MIPOL1: variants seen among roughly 807,000 people sequenced by gnomAD.
The protein encoded by MIPOL1 is mirror-image polydactyly 1.
In MIPOL1, 57 loss-of-function variants were observed where a neutral mutation model predicts 60.9. The ratio of observed to expected loss-of-function variants is 0.94; its 90% CI spans 0.76 to 1.17. The LOEUF is 1.17. Ranked by LOEUF, MIPOL1 falls within the 50% of genes most tolerant of loss-of-function variation. MIPOL1 has a pLI of 0.00. For missense variants in MIPOL1, 551 were observed against 511.6 expected (o/e 1.08, Z -0.74); for synonymous variants, 179 against 168.8 (o/e 1.06, Z -0.47).
chr14:37,348,956 A>T (rs1176463298), intron 9 of MIPOL1, among the ~76,000 whole-genome samples: 1 of 143,046 alleles, frequency 7.0e-6, no homozygotes, highest in African/African-American at 2.6e-5. Context: ...AGCCTCGTAC[A>T]GGCGGTGCCA....
chr14:37,482,141 G>A (rs1422021917), intron 11 of MIPOL1, among the ~76,000 whole-genome samples: 1 of 152,126 alleles, frequency 6.6e-6, no homozygotes, highest in African/African-American at 2.4e-5. Flanking sequence ...TGATGAGACA[G>A]CCTATGGATT....
intron 11 of MIPOL1, among the ~76,000 whole-genome samples, chr14:37,448,159 A>C (rs2094365004): frequency 6.6e-6 from 1 of 152,238 alleles, no homozygotes; most frequent in Non-Finnish European, 1.5e-5. Flanking sequence ...TACTTCAGTC[A>C]CTGCACTAGT....
chr14:37,510,765 C>T (rs1388982531), intron 12 of MIPOL1, among the ~76,000 whole-genome samples: 1 of 152,090 alleles, frequency 6.6e-6, no homozygotes, highest in African/African-American at 2.4e-5. Context: ...GTTAGAGATA[C>T]ACAGGAAAAT....
At chr14:37,326,378 T>C (rs2089161354) in intron 9 of MIPOL1, among the ~76,000 whole-genome samples, 1 of 152,128 alleles carries the variant, frequency 6.6e-6, no homozygotes, top group African/African-American at 2.4e-5. Context: ...GATACCATGG[T>C]GGTAGATAAA....
At chr14:37,328,573 A>G (rs1595162551) in intron 9 of MIPOL1, among the ~76,000 whole-genome samples, 1 of 152,232 alleles carries the variant, frequency 6.6e-6, no homozygotes, top group Non-Finnish European at 1.5e-5. Context: ...ATTGGCTTTA[A>G]CAGCCATAAA....
chr14:37,237,269 CACA>C (rs1426794467), intron 1 of MIPOL1, among the ~76,000 whole-genome samples: 9 of 151,976 alleles, frequency 5.9e-5, no homozygotes, highest in Non-Finnish European at 5.9e-5. Context: ...CACAGACATG[CACA>C]ACAATTTGTC....
intron 12 of MIPOL1, among the ~76,000 whole-genome samples, chr14:37,538,636 C>G (rs997444981): frequency 6.6e-6 from 1 of 152,148 alleles, no homozygotes; most frequent in African/African-American, 2.4e-5. Context: ...GTGCTCCACC[C>G]TTTGAATCTG....
At chr14:37,372,302 T>C (rs1375174966) in intron 10 of MIPOL1, among the ~76,000 whole-genome samples, 1 of 152,162 alleles carries the variant, frequency 6.6e-6, no homozygotes, top group Non-Finnish European at 1.5e-5. Flanking sequence ...CGTAAGGAAA[T>C]ACTTTTTAAT....
At chr14:37,356,703 G>C (rs540992594) in intron 9 of MIPOL1, among the ~76,000 whole-genome samples, 3 of 152,312 alleles carry the variant, frequency 2.0e-5, no homozygotes. Flanking sequence ...TCTTTGACTC[G>C]GAAAGGGAAC....
intron 1 of MIPOL1, among the ~76,000 whole-genome samples, chr14:37,198,857 A>G (rs551489538): frequency 2.0e-5 from 3 of 152,320 alleles, no homozygotes; most frequent in Admixed American, 2.0e-4. Flanking sequence ...AGATAACTTG[A>G]ATATACTATC....
At chr14:37,216,664 A>G (rs934390085) in intron 1 of MIPOL1, among the ~76,000 whole-genome samples, 8 of 152,216 alleles carry the variant, frequency 5.3e-5, no homozygotes, top group African/African-American at 1.9e-4. Flanking sequence ...TGGAAATTAA[A>G]CAGTATACTC....
At chr14:37,295,949 C>A (rs2085625931) in intron 7 of MIPOL1, among the ~76,000 whole-genome samples, 2 of 152,108 alleles carry the variant, frequency 1.3e-5, no homozygotes, top group Non-Finnish European at 2.9e-5. Context: ...CTGCACCAAG[C>A]AGACCTAATA....
chr14:37,235,903 G>A lies in MIPOL1; in HGVS notation c.-198-11200G>A, dbSNP rs113801618. On this transcript the variant is annotated intron_variant, in intron 1 of 12. Coordinates refer to ENST00000684589, the MANE Select transcript of MIPOL1 (RefSeq NM_001388067.1). ...TACACAAGGGTTCCAGTTTCTCCATGACCTTACCAATGCTTAGTATTTTCA... is the reference window on the plus strand; with the variant it reads ...TACACAAGGGTTCCAGTTTCTCCATAACCTTACCAATGCTTAGTATTTTCA... Among the ~76,000 whole-genome samples the A allele has an allele frequency of 5.6e-3, 854 of 151,790 alleles. 6 individuals are homozygous for A. Among genetic ancestry groups the A allele is most frequent in the African/African-American group, 0.02 (808 of 41,400 alleles).
At chr14:37,233,658 A>G (rs2092790) in intron 1 of MIPOL1, among the ~76,000 whole-genome samples, 151,981 of 152,322 alleles carry the variant, frequency 1, 75,823 homozygotes, top group Middle Eastern at 1. Context: ...TAAGGTGAAT[A>G]CTTAATGATT....
chr14:37,551,366 G>A (rs2095561304), downstream of MIPOL1: 1 of 151,622 alleles, frequency 6.6e-6, no homozygotes, highest in African/African-American at 2.4e-5. Context: ...TTGCAGTAAG[G>A]AAACAGATTA....
At chr14:37,468,913 T>C (rs1297195353) in intron 11 of MIPOL1, among the ~76,000 whole-genome samples, 1 of 152,090 alleles carries the variant, frequency 6.6e-6, no homozygotes, top group Non-Finnish European at 1.5e-5. Flanking sequence ...GACTGGAGTG[T>C]AGAGGTAAAT....
chr14:37,317,991 G>A (rs988998006), intron 9 of MIPOL1, among the ~76,000 whole-genome samples: 1 of 152,272 alleles, frequency 6.6e-6, no homozygotes, highest in Non-Finnish European at 1.5e-5. Flanking sequence ...ATAATATAAT[G>A]ACACATATTT....
chr14:37,363,709 C>T (rs1368923280), intron 9 of MIPOL1, among the ~76,000 whole-genome samples: 2 of 152,310 alleles, frequency 1.3e-5, no homozygotes, highest in South Asian at 4.1e-4. Flanking sequence ...TTGTCCGCTG[C>T]CATTTGTTCA....
At position 37,390,392 on chromosome 14, in the gene MIPOL1, T is replaced by A. The variant is rs1052392639; in HGVS notation, c.936+20768T>A. 5.3e-5 allele frequency among the ~76,000 whole-genome samples: 8 copies of A among 152,166 alleles called. 1 individual carries two copies. The highest frequency in any genetic ancestry group is 5.2e-4 in the Admixed American group (8 of 15,278). ...TATATATTATATACAATTGAAGACA[T>A]TCCATTGAAAATTACTAGATACACA... On this transcript the variant is annotated intron_variant, in intron 10 of 12. Transcript: ENST00000684589.
Sources: allele counts gnomAD v4.1 joint callset (sites outside exome capture counted in the v4.1 genomes callset), GRCh38; gene constraint gnomAD v4.1.1; transcripts MANE v1.5; gene names NCBI Gene and HGNC (gene_info 2026-07-23, HGNC 2026-07-21).